ACSS1: variants seen among roughly 807,000 people sequenced by gnomAD.
ACSS1 encodes acyl-CoA synthetase short chain family member 1.
ACSS1 carries 42 observed loss-of-function variants against 75.3 expected under a neutral mutation model. That is an observed-to-expected ratio of 0.56 (90% confidence interval 0.44 to 0.72). ACSS1 has a LOEUF of 0.72. Among genes scored for constraint, ACSS1 ranks in the 30% least tolerant of loss-of-function variants. The pLI is 0.00. For synonymous variants in ACSS1, 380 were observed against 376.8 expected, an observed-to-expected ratio of 1.01 and a Z score of -0.10; for missense variants, 782 against 935.7, an observed-to-expected ratio of 0.84 and a Z score of 2.14.
In ACSS1 at chr20:25,012,955, G is replaced by A; in HGVS notation, c.1580-16C>T. On this transcript the variant is annotated splice_polypyrimidine_tract_variant and intron_variant, in intron 10 of 13. Coordinates refer to ENST00000323482, the MANE Select transcript of ACSS1 (RefSeq NM_032501.4). ...AAGTAATAGCCTGCACCACAGCAGG[G>A]AAATTCAGCACCAGGAACCCTGAGC... The A allele has an allele frequency of 1.9e-6, 3 of 1,614,068 alleles. No homozygotes were observed. Among genetic ancestry groups the A allele is most frequent in the Admixed American group, 1.7e-5 (1 of 60,010 alleles).
chr20:25,053,094 C>T (rs1600353658), intron 1 of ACSS1, among the ~76,000 whole-genome samples: 1 of 136,970 alleles, frequency 7.3e-6, no homozygotes, highest in African/African-American at 3.0e-5. Context: ...GACAGGGTCT[C>T]ACTCCATTGC....
intron 12 of ACSS1, chr20:25,010,689 T>C (rs1418922289): frequency 6.6e-6 from 1 of 152,296 alleles, no homozygotes. Flanking sequence ...GTTTTTCTCA[T>C]CTTGGTCGTT....
At chr20:25,018,890 T>C (rs372087360) in intron 7 of ACSS1, among the ~76,000 whole-genome samples, 9 of 152,196 alleles carry the variant, frequency 5.9e-5, no homozygotes, top group Admixed American at 3.9e-4. Flanking sequence ...AACATTATAC[T>C]AAGGCTCACA....
intron 2 of ACSS1, among the ~76,000 whole-genome samples, chr20:25,044,788 C>T (rs73346995): frequency 0.035 from 5,293 of 152,326 alleles, 291 homozygotes; most frequent in African/African-American, 0.12. Context: ...CCTGCTGGCT[C>T]ACCAGGGGAG....
At chr20:25,056,352 A>T (rs931450664) in intron 1 of ACSS1, among the ~76,000 whole-genome samples, 1 of 151,996 alleles carries the variant, frequency 6.6e-6, no homozygotes, top group Non-Finnish European at 1.5e-5. Context: ...TTTTTTTCCC[A>T]CTAGTTCAAG....
chr20:25,019,206 A>C (rs1405785702), intron 7 of ACSS1, among the ~76,000 whole-genome samples: 1 of 152,240 alleles, frequency 6.6e-6, no homozygotes, highest in Non-Finnish European at 1.5e-5. Context: ...ACCACACGTC[A>C]AGGCAGACAT....
At chr20:25,042,590 G>A (rs190978169) in intron 2 of ACSS1, among the ~76,000 whole-genome samples, 83 of 152,222 alleles carry the variant, frequency 5.5e-4, no homozygotes, top group African/African-American at 1.8e-3. Flanking sequence ...TTTTAATAAG[G>A]GAGTGTGCTC....
At position 25,023,547 on chromosome 20, in the gene ACSS1, G is replaced by A; in HGVS notation, c.726C>T (p.Cys242=). 1.2e-6 allele frequency: 2 copies of A among 1,614,140 alleles called. No individual in the cohort carries two copies. The highest frequency in any genetic ancestry group is 1.1e-5 in the South Asian group (1 of 91,080). The change falls in exon 4 of 14, where the codon TGC becomes TGT. Residue 242 remains cysteine (C), a synonymous_variant. Coordinates refer to ENST00000323482, the MANE Select transcript of ACSS1 (RefSeq NM_032501.4). ...CCACCAGGACATGCTGCACGGTGGG[G>A]CAGTGCTTCACAGCCTCATCCACTA... ...KKIVDEAVKH[C]PTVQHVLVAH...
chr20:25,041,785 C>T (rs78991914), intron 2 of ACSS1, among the ~76,000 whole-genome samples: 1,790 of 152,060 alleles, frequency 0.012, 34 homozygotes, highest in African/African-American at 0.039. Context: ...GATGGGCCAC[C>T]GTGGGTGGAA....
At chr20:25,031,767 G>A (rs1430303936) in intron 2 of ACSS1, among the ~76,000 whole-genome samples, 1 of 152,290 alleles carries the variant, frequency 6.6e-6, no homozygotes, top group South Asian at 2.1e-4. Flanking sequence ...GCTTCTCAGG[G>A]ACCACAAGTG....
chr20:25,055,357 G>A (rs930450146), intron 1 of ACSS1, among the ~76,000 whole-genome samples: 1 of 152,222 alleles, frequency 6.6e-6, no homozygotes, highest in African/African-American at 2.4e-5. Context: ...ACAGTACAGG[G>A]AAAGCAAGAA....
rs749258922 is a variant in ACSS1 at position 25,006,909 on chromosome 20, C to G, written c.*853G>C. The G allele has an allele frequency of 6.5e-7, 1 of 1,535,440 alleles. No individual in the cohort carries two copies. Among genetic ancestry groups the G allele is most frequent in the South Asian group, 1.2e-5 (1 of 84,044 alleles). On this transcript the variant is annotated 3_prime_UTR_variant, in exon 14 of 14. Coordinates refer to ENST00000323482, the MANE Select transcript of ACSS1 (RefSeq NM_032501.4). ...GTTTCTAATAGCTTCCCTGAAGAAC[C>G]CAACTATTTGGAGTATGTTGCCTCT...
chr20:25,022,977 T>C lies in ACSS1; in HGVS notation c.923A>G (p.Gln308Arg), dbSNP rs1339613686. 3 of 1,613,912 alleles carry C rather than the reference T, an allele frequency of 1.9e-6. No homozygotes were observed. In the East Asian group the frequency reaches 6.7e-5, roughly 36 times the overall value. Residue 308 changes from glutamine (Q) to arginine (R), a missense_variant, in exon 5 of 14, where the codon CAG becomes CGG. By Grantham distance (43) the Gln-to-Arg change is conservative. Transcript: ENST00000323482. ...GGCGGCATAGAGCAGGTAGCCTGCC[T>C]GGGTATGGACGATGCCCTTGGGCAT... ...TGMPKGIVHT[Q>R]AGYLLYAALT...
chr20:25,013,410 C>T (rs2088451834), intron 10 of ACSS1, 126 bp downstream of exon 10: 2 of 1,297,460 alleles, frequency 1.5e-6, no homozygotes, highest in African/African-American at 3.0e-5. Context: ...AAACTCTGGC[C>T]TCGCGAGCAC....
chr20:25,028,697 G>A (rs1365376702), intron 3 of ACSS1, among the ~76,000 whole-genome samples: 6 of 152,262 alleles, frequency 3.9e-5, no homozygotes, highest in Admixed American at 2.0e-4. Context: ...CGAGGCGGGC[G>A]GATCACGAGG....
rs2088818496 is a variant in ACSS1 at position 25,031,212 on chromosome 20, CG to C, written c.432-255del. Reference sequence around the variant, plus strand: ...ACAAGGCTATCCTTAAGTCCGCTTACGGCAGGGTTTTTTTAGGGGAACAGGA... The same window carrying C: ...ACAAGGCTATCCTTAAGTCCGCTTACGCAGGGTTTTTTTAGGGGAACAGGA... On this transcript the variant is annotated intron_variant, in intron 2 of 13. Coordinates refer to ENST00000323482, the MANE Select transcript of ACSS1 (RefSeq NM_032501.4). 3 of 557,552 alleles carry C rather than the reference CG, an allele frequency of 5.4e-6. No homozygotes were observed. In the East Asian group the frequency reaches 1.1e-4, roughly 20 times the overall value. The allele number at this position is 557,552 out of a possible 1,614,324, so 34.5% of individuals were successfully genotyped here.
chr20:25,016,089 G>C (rs537061593), intron 7 of ACSS1, among the ~76,000 whole-genome samples: 38 of 152,298 alleles, frequency 2.5e-4, no homozygotes, highest in Middle Eastern at 6.8e-3. Context: ...TCCTGCAGAG[G>C]AACGCCACAT....
At chr20:25,026,197 T>C (rs1205243699) in intron 3 of ACSS1, among the ~76,000 whole-genome samples, 3 of 152,192 alleles carry the variant, frequency 2.0e-5, no homozygotes, top group African/African-American at 7.2e-5. Flanking sequence ...TGTGAGAGCC[T>C]AGCGGTCAGA....
chr20:25,018,850 G>A (rs2088565709), intron 7 of ACSS1, among the ~76,000 whole-genome samples: 2 of 152,136 alleles, frequency 1.3e-5, no homozygotes, highest in Admixed American at 6.5e-5. Flanking sequence ...TATTCCTCAG[G>A]AGCTCTCTCC....
Sources: allele counts gnomAD v4.1 joint callset (sites outside exome capture counted in the v4.1 genomes callset), GRCh38; gene constraint gnomAD v4.1.1; transcripts MANE v1.5; gene names NCBI Gene and HGNC (gene_info 2026-07-23, HGNC 2026-07-21).